The following NPAS3 variants were observed in gnomAD, a reference collection of about 807,000 sequenced individuals.
NPAS3 encodes the protein neuronal PAS domain protein 3, also known as neuronal PAS domain-containing protein 3.
In NPAS3, 14 loss-of-function variants were observed where a neutral mutation model predicts 73.1. That is an observed-to-expected ratio of 0.19 (90% confidence interval 0.13 to 0.30). The LOEUF (loss-of-function observed/expected upper bound fraction) is 0.30, where lower values mean the gene tolerates loss of function less well. Ranked by LOEUF, NPAS3 falls within the 10% of genes least tolerant of loss-of-function variation. NPAS3 has a pLI of 1.00. For missense variants in NPAS3, 1,096 were observed against 1,250.0 expected, an observed-to-expected ratio of 0.88 and a Z score of 1.86; for synonymous variants, 620 against 541.5, an observed-to-expected ratio of 1.14 and a Z score of -2.01.
At chr14:33,468,143 C>T (rs2050618468) in intron 4 of NPAS3, among the ~76,000 whole-genome samples, 1 of 152,134 alleles carries the variant, frequency 6.6e-6, no homozygotes, top group Non-Finnish European at 1.5e-5. Context: ...ATGGTGACGT[C>T]AAATGCTTTT....
At chr14:33,518,465 TCAAC>T (rs2053406370) in intron 4 of NPAS3, among the ~76,000 whole-genome samples, 1 of 152,102 alleles carries the variant, frequency 6.6e-6, no homozygotes, top group African/African-American at 2.4e-5. Context: ...TCCTTTGAGA[TCAAC>T]CAAGAGTTCC....
intron 4 of NPAS3, among the ~76,000 whole-genome samples, chr14:33,545,954 G>C (rs747411002): frequency 2.0e-5 from 3 of 152,138 alleles, no homozygotes; most frequent in African/African-American, 4.8e-5. Context: ...AGCAATGATC[G>C]CAGTCAAGGG....
intron 4 of NPAS3, among the ~76,000 whole-genome samples, chr14:33,478,581 A>G (rs1242401828): frequency 6.6e-6 from 1 of 152,172 alleles, no homozygotes; most frequent in Non-Finnish European, 1.5e-5. Flanking sequence ...GATTTATATC[A>G]TACCTGGAAT....
At chr14:33,102,597 G>T (rs946499664) in intron 2 of NPAS3, among the ~76,000 whole-genome samples, 1 of 152,098 alleles carries the variant, frequency 6.6e-6, no homozygotes, top group Non-Finnish European at 1.5e-5. Context: ...GTGCCGCCTA[G>T]GAATAAGAGA....
intron 3 of NPAS3, among the ~76,000 whole-genome samples, chr14:33,322,458 G>A (rs10151836): frequency 0.19 from 28,472 of 150,844 alleles, 2,756 homozygotes; most frequent in African/African-American, 0.22. Flanking sequence ...GTATAAGTAC[G>A]GGTGTGTGTG....
chr14:33,460,798 C>G (rs2050227297), intron 4 of NPAS3, among the ~76,000 whole-genome samples: 1 of 152,136 alleles, frequency 6.6e-6, no homozygotes, highest in African/African-American at 2.4e-5. Flanking sequence ...GGAAAGCACA[C>G]AAACCAACTA....
At chr14:33,264,221 G>A (rs1003922365) in intron 3 of NPAS3, among the ~76,000 whole-genome samples, 20 of 151,770 alleles carry the variant, frequency 1.3e-4, no homozygotes, top group African/African-American at 3.6e-4. Context: ...GAATTGAACA[G>A]TGAGAACACA....
rs75525114 is a variant in NPAS3, at chr14:33,374,064, G to C, written c.468+6796G>C. ...TAGCAGAACAGTTTTGTTAAGGTAT[G>C]TATTTTCTAAAAATGATAGAGAAGA... On this transcript the variant is annotated intron_variant, in intron 4 of 11. Transcript: ENST00000356141. Among the ~76,000 whole-genome samples, 4 of 152,216 alleles carry C rather than the reference G, an allele frequency of 2.6e-5. No individual in the cohort carries two copies. In the East Asian group the frequency reaches 7.7e-4, roughly 29 times the overall value.
At chr14:33,733,720 G>A (rs575413179) in intron 6 of NPAS3, among the ~76,000 whole-genome samples, 4 of 151,912 alleles carry the variant, frequency 2.6e-5, no homozygotes, top group Non-Finnish European at 4.4e-5. Flanking sequence ...CTTTTCCCTC[G>A]AGTGATAAAA....
chr14:33,311,806 G>A (rs2043015245), intron 3 of NPAS3, among the ~76,000 whole-genome samples: 1 of 152,240 alleles, frequency 6.6e-6, no homozygotes, highest in African/African-American at 2.4e-5. Context: ...AACTTGGCCT[G>A]AGAATGACAG....
At chr14:33,570,292 G>C (rs1595176658) in intron 5 of NPAS3, among the ~76,000 whole-genome samples, 2 of 152,174 alleles carry the variant, frequency 1.3e-5, no homozygotes, top group African/African-American at 4.8e-5. Flanking sequence ...AATGTTGCTT[G>C]CAACTTGGTC....
chr14:33,596,316 G>A (rs1159208655), intron 5 of NPAS3, among the ~76,000 whole-genome samples: 1 of 152,210 alleles, frequency 6.6e-6, no homozygotes, highest in Non-Finnish European at 1.5e-5. Flanking sequence ...CTAAGAATAT[G>A]TGCGTTCAAA....
At chr14:33,037,842 A>T (rs891397314) in intron 1 of NPAS3, among the ~76,000 whole-genome samples, 5 of 152,116 alleles carry the variant, frequency 3.3e-5, no homozygotes, top group Admixed American at 2.6e-4. Context: ...CAGTTGTTTT[A>T]CTCTATTAAA....
intron 5 of NPAS3, among the ~76,000 whole-genome samples, chr14:33,661,896 A>G (rs1235336080): frequency 2.6e-5 from 4 of 152,118 alleles, no homozygotes; most frequent in African/African-American, 9.7e-5. Context: ...CCCACTCCCA[A>G]CCTTTCTCAA....
rs1473882549 is a variant in NPAS3 at position 33,800,774 on chromosome 14, G to A, written c.2467G>A (p.Val823Ile). 2 of 1,578,834 alleles carry A rather than the reference G, an allele frequency of 1.3e-6. No individual in the cohort carries two copies. The highest frequency in any genetic ancestry group is 1.7e-6 in the Non-Finnish European group (2 of 1,163,988). Residue 823 changes from valine to isoleucine, a missense_variant, in exon 12 of 12, where the codon GTC (valine) becomes ATC (isoleucine). Around this residue, in one of 5 missense-constraint regions of NPAS3, gnomAD observed 698 missense variants for 676.7 expected, o/e 1.03. Transcript: ENST00000356141. The surrounding 1 kb of genome is among the most constrained non-coding windows in gnomAD (Gnocchi z 6.5). ...CGCCACCAGCACGGCCGCGCAGAGG[G>A]TCTACACCACGGGCACCATCCGCTA...
intron 1 of NPAS3, among the ~76,000 whole-genome samples, chr14:33,012,861 C>G (rs1447152239): frequency 5.3e-5 from 8 of 152,112 alleles, no homozygotes; most frequent in Admixed American, 4.6e-4. Context: ...AAAGTCGTAT[C>G]TTTTGATTAA....
chr14:33,733,215 G>T (rs928800009), intron 6 of NPAS3, among the ~76,000 whole-genome samples: 1 of 151,368 alleles, frequency 6.6e-6, no homozygotes, highest in East Asian at 1.9e-4. Context: ...AATGTGAAAG[G>T]AACAACAGTA....
intron 4 of NPAS3, among the ~76,000 whole-genome samples, chr14:33,408,123 C>T (rs1192206826): frequency 1.3e-5 from 2 of 152,080 alleles, no homozygotes; most frequent in South Asian, 2.1e-4. Context: ...AAATGCTAAT[C>T]GAGAAGAGTA....
intron 4 of NPAS3, among the ~76,000 whole-genome samples, chr14:33,404,477 CT>C (rs1028626003): frequency 3.9e-5 from 6 of 151,926 alleles, no homozygotes; most frequent in African/African-American, 9.7e-5. Context: ...ATTTTTAATT[CT>C]TTTTTTCCCT....
Sources: gnomAD v4.1 joint callset for allele counts (sites outside exome capture counted in the v4.1 genomes callset) on GRCh38, gnomAD v4.1.1 for gene constraint, gnomAD v4.1.1 regional missense constraint, Gnocchi (gnomAD v3.1) non-coding constraint, MANE v1.5 for transcripts, NCBI Gene and HGNC (gene_info 2026-07-23, HGNC 2026-07-21) for gene names.